The following PITPNC1 variants were observed in gnomAD, a reference collection of about 807,000 sequenced individuals.
PITPNC1 encodes cytoplasmic phosphatidylinositol transfer protein 1.
Under a neutral mutation model 44.7 loss-of-function variants are expected in PITPNC1, and 18 were observed. The ratio of observed to expected loss-of-function variants is 0.40; its 90% confidence interval spans 0.28 to 0.60. The LOEUF (loss-of-function observed/expected upper bound fraction) is 0.60, where lower values mean the gene tolerates loss of function less well. PITPNC1 is among the 20% of genes least tolerant of loss of function. PITPNC1 has a pLI of 0.39. For synonymous variants in PITPNC1, 141 were observed against 149.6 expected (o/e 0.94, Z 0.42); for missense variants, 290 against 418.4 (o/e 0.69, Z 2.68).
intron 1 of PITPNC1, among the ~76,000 whole-genome samples, chr17:67,421,088 C>T (rs1445646938): frequency 6.6e-6 from 1 of 152,088 alleles, no homozygotes; most frequent in African/African-American, 2.4e-5. Context: ...GCGCATTCCA[C>T]CCTGGCTTCC....
Position 67,694,294 on chromosome 17 carries a change from A to C in PITPNC1, c.*1406A>C, listed in dbSNP as rs2042975049. 6.6e-6 allele frequency: 1 copy of C among 152,260 alleles called. No individual in the cohort carries two copies. Among genetic ancestry groups the C allele is most frequent in the African/African-American group, 2.4e-5 (1 of 41,458 alleles). 9.4% of individuals were successfully genotyped at this position (152,260 alleles called of 1,614,324 possible). ...TTGTCCTCCAAGAGAGGAAGAGAAG[A>C]AGTAATTGGGCAACTTGGAGGCCCA... is the stretch of plus-strand genomic sequence containing the variant. On this transcript the variant is annotated 3_prime_UTR_variant, in exon 9 of 9. Transcript: ENST00000581322.
intron 1 of PITPNC1, among the ~76,000 whole-genome samples, chr17:67,446,532 TTAA>T (rs2039097811): frequency 6.6e-6 from 1 of 151,652 alleles, no homozygotes. Context: ...TTTTTTTTTT[TTAA>T]TTTATGCTAC....
chr17:67,693,077 G>T lies in PITPNC1; in HGVS notation c.*189G>T, dbSNP rs923809287. ...AAGTATGCTACACAGCATCATATTA[G>T]ATGTAAGATGTAAGACTTGCAAAGG... On this transcript the variant is annotated 3_prime_UTR_variant, in exon 9 of 9. Coordinates refer to ENST00000581322, the MANE Select transcript of PITPNC1 (RefSeq NM_012417.4). 6.8e-5 allele frequency: 38 copies of T among 556,084 alleles called. 1 individual carries two copies. The Admixed American group carries it at 1.3e-3, about 19-fold the overall frequency. The allele number at this position is 556,084 out of a possible 1,614,324, so 34.4% of individuals were successfully genotyped here. A position where few individuals can be genotyped will look rare whatever the true frequency, so the allele number is the denominator to read the frequency against.
intron 6 of PITPNC1, among the ~76,000 whole-genome samples, chr17:67,634,644 C>A (rs1342513826): frequency 6.6e-6 from 1 of 152,116 alleles, no homozygotes; most frequent in African/African-American, 2.4e-5. Flanking sequence ...GAGAAATAGT[C>A]ACACAGATAC....
intron 6 of PITPNC1, among the ~76,000 whole-genome samples, chr17:67,632,672 A>G (rs1180344489): frequency 6.9e-6 from 1 of 144,458 alleles, no homozygotes; most frequent in Non-Finnish European, 1.5e-5. Flanking sequence ...GGTTCAAGCC[A>G]TTCTCCTGCC....
chr17:67,672,505 A>C (rs1481571538), intron 7 of PITPNC1, among the ~76,000 whole-genome samples: 1 of 151,888 alleles, frequency 6.6e-6, no homozygotes, highest in East Asian at 1.9e-4. Flanking sequence ...AGGCCGAGGC[A>C]GGAGAATCAC....
At chr17:67,542,511 A>G (rs1568033539) in intron 2 of PITPNC1, among the ~76,000 whole-genome samples, 1 of 152,112 alleles carries the variant, frequency 6.6e-6, no homozygotes, top group Non-Finnish European at 1.5e-5. Flanking sequence ...CGTACAACAC[A>G]TTGTGCAGGC....
chr17:67,477,089 GTTTA>G (rs2039640679), intron 1 of PITPNC1, among the ~76,000 whole-genome samples: 2 of 151,990 alleles, frequency 1.3e-5, no homozygotes, highest in Admixed American at 6.6e-5. Flanking sequence ...TGTCTTATTT[GTTTA>G]TTTATGAGAC....
intron 2 of PITPNC1, among the ~76,000 whole-genome samples, chr17:67,546,903 A>C (rs1384447272): frequency 2.0e-5 from 3 of 152,246 alleles, no homozygotes; most frequent in East Asian, 3.8e-4. Context: ...ACAATCACTT[A>C]GAAGAGTAAC....
At chr17:67,431,550 G>C (rs1407398050) in intron 1 of PITPNC1, among the ~76,000 whole-genome samples, 1 of 152,178 alleles carries the variant, frequency 6.6e-6, no homozygotes, top group Admixed American at 6.5e-5. Context: ...GTTTTGGCCA[G>C]AGATATTAAT....
chr17:67,491,005 A>C (rs1259826939), intron 1 of PITPNC1, among the ~76,000 whole-genome samples: 1 of 152,140 alleles, frequency 6.6e-6, no homozygotes, highest in Non-Finnish European at 1.5e-5. Context: ...AATACAGTGG[A>C]ATTGTGATGC....
At position 67,692,598 on chromosome 17, in the gene PITPNC1, T is replaced by G. The variant is rs1419377429; in HGVS notation, c.709T>G (p.Phe237Val). Residue 237 changes from phenylalanine to valine, a missense_variant, in exon 9 of 9, where the codon TTT (phenylalanine) becomes GTT (valine). Transcript: ENST00000581322. ...CATGACAATGGATGAAGTCCGAGAA[T>G]TTGAACGAGCCACTCAGGAAGCCAC... is the stretch of plus-strand genomic sequence containing the variant. ...YDMTMDEVRE[F>V]ERATQEATNK... 6.2e-7 allele frequency: 1 copy of G among 1,613,510 alleles called. No individual in the cohort carries two copies. The highest frequency in any genetic ancestry group is 8.5e-7 in the Non-Finnish European group (1 of 1,179,580).
At chr17:67,506,879 A>G (rs1450912935) in intron 1 of PITPNC1, among the ~76,000 whole-genome samples, 1 of 152,260 alleles carries the variant, frequency 6.6e-6, no homozygotes, top group African/African-American at 2.4e-5. Context: ...ATTCAAAACC[A>G]GAATTCAAAA....
chr17:67,650,429 A>G (rs1410281295), intron 6 of PITPNC1, among the ~76,000 whole-genome samples: 1 of 147,176 alleles, frequency 6.8e-6, no homozygotes, highest in African/African-American at 2.5e-5. Flanking sequence ...CCTGGGGGCT[A>G]GAAACCATAG....
At chr17:67,585,872 G>C (rs533287185) in intron 5 of PITPNC1, among the ~76,000 whole-genome samples, 2 of 152,324 alleles carry the variant, frequency 1.3e-5, no homozygotes, top group African/African-American at 4.8e-5. Context: ...CCATCCGCAA[G>C]TCAAGGAGGA....
intron 5 of PITPNC1, among the ~76,000 whole-genome samples, chr17:67,602,683 G>C (rs1423295733): frequency 2.6e-5 from 4 of 152,142 alleles, no homozygotes; most frequent in Admixed American, 2.6e-4. Flanking sequence ...GCCTGGAGGA[G>C]GAGGGCCCTG....
intron 6 of PITPNC1, among the ~76,000 whole-genome samples, chr17:67,635,768 A>C (rs967039364): frequency 2.6e-5 from 4 of 152,162 alleles, no homozygotes; most frequent in African/African-American, 9.7e-5. Flanking sequence ...TTTCAAGAGG[A>C]GGAGAGTGAC....
At chr17:67,552,197 T>C in intron 2 of PITPNC1, 60 bp from the exon 3 acceptor site, 1 of 829,934 alleles carries the variant, frequency 1.2e-6, no homozygotes, top group Non-Finnish European at 2.1e-6. Flanking sequence ...CAGAAAGATG[T>C]GGTAGTGTGG....
At chr17:67,424,753 A>C (rs2038720849) in intron 1 of PITPNC1, among the ~76,000 whole-genome samples, 1 of 149,822 alleles carries the variant, frequency 6.7e-6, no homozygotes, top group Non-Finnish European at 1.5e-5. Flanking sequence ...GTTGGAGTAC[A>C]GTGGCGTGAT....
Sources: allele counts gnomAD v4.1 joint callset (sites outside exome capture counted in the v4.1 genomes callset), GRCh38; gene constraint gnomAD v4.1.1; transcripts MANE v1.5; gene names NCBI Gene and HGNC (gene_info 2026-07-23, HGNC 2026-07-21).